Variants in ZBTB11 observed in about 807,000 individuals in gnomAD.
The protein encoded by ZBTB11 is zinc finger and BTB domain-containing protein 11.
A neutral mutation model predicts 113.1 loss-of-function variants in ZBTB11; 68 were observed. The ratio of observed to expected loss-of-function variants is 0.60; its 90% CI spans 0.49 to 0.74. ZBTB11 has a LOEUF of 0.74. Among genes scored for constraint, ZBTB11 ranks in the 30% least tolerant of loss-of-function variants. The probability of loss-of-function intolerance (pLI) is 0.00; values close to 1 mark genes in which losing one functional copy is unlikely to be tolerated. For missense variants in ZBTB11, 1,104 were observed against 1,279.4 expected, an observed-to-expected ratio of 0.86 and a Z score of 2.09; for synonymous variants, 518 against 452.6, an observed-to-expected ratio of 1.14 and a Z score of -1.83.
At position 101,649,436 on chromosome 3, in the gene ZBTB11, A is replaced by C. The variant is rs530497111; in HGVS notation, c.*1730T>G. The C allele has an allele frequency of 1.3e-5, 2 of 152,338 alleles. No individual in the cohort carries two copies. The highest frequency in any genetic ancestry group is 4.8e-5 in the African/African-American group (2 of 41,568). 9.4% of individuals were successfully genotyped at this position (152,338 alleles called of 1,614,324 possible). ...GAAAATAGTAACAAGCTCAACTCCA[A>C]AGTTCATGCTTTTCAACAAGATTCA... On this transcript the variant is annotated 3_prime_UTR_variant, in exon 11 of 11. Coordinates refer to ENST00000312938, the MANE Select transcript of ZBTB11 (RefSeq NM_014415.4).
intron 5 of ZBTB11, 26 bp downstream of exon 5, chr3:101,664,512 C>T (rs765300986): frequency 6.3e-7 from 1 of 1,579,532 alleles, no homozygotes; most frequent in South Asian, 1.2e-5. Flanking sequence ...TTAGAGTTAC[C>T]TTCAATTAGC....
At chr3:101,666,538 T>C (rs1360373154) in intron 3 of ZBTB11, among the ~76,000 whole-genome samples, 2 of 152,190 alleles carry the variant, frequency 1.3e-5, no homozygotes, top group African/African-American at 4.8e-5. Flanking sequence ...ACATGAGGTA[T>C]TACATTCTTC....
At chr3:101,660,399 C>T in intron 5 of ZBTB11, among the ~76,000 whole-genome samples, 1 of 152,160 alleles carries the variant, frequency 6.6e-6, no homozygotes, top group East Asian at 1.9e-4. Context: ...GATTTTATCT[C>T]ATAGTTGAAG....
At chr3:101,667,824 A>C (rs894442324) in intron 3 of ZBTB11, among the ~76,000 whole-genome samples, 8 of 152,158 alleles carry the variant, frequency 5.3e-5, no homozygotes, top group African/African-American at 1.9e-4. Flanking sequence ...AAAAAACTAA[A>C]AATATAACTA....
In ZBTB11 at chr3:101,676,586, GC is replaced by G; in HGVS notation, c.310+18del. On this transcript the variant is annotated intron_variant, in intron 1 of 10. Transcript: ENST00000312938. ...CAACGAGTCGCCAGCCCGCCCCCTC[GC>G]CGCGGGCTAGGTCTCACCTCGCCAC... 6.8e-7 allele frequency: 1 copy of G among 1,465,498 alleles called. No individual in the cohort carries two copies. Among genetic ancestry groups the G allele is most frequent in the South Asian group, 1.4e-5 (1 of 70,122 alleles). 90.8% of individuals were successfully genotyped at this position (1,465,498 alleles called of 1,614,324 possible).
At position 101,664,991 on chromosome 3, in the gene ZBTB11, T is replaced by A. The variant is rs1215346710; in HGVS notation, c.1596A>T (p.Lys532Asn). ...GTTGAACTGCTGACTTGGGAACGGC[T>A]TTCCGTTTCTGCAGCTTTTTCTCCA... is the stretch of plus-strand genomic sequence containing the variant. ...KGMEKKLQKRKAVPKSAVQQV... is the reference protein window; with the variant it reads ...KGMEKKLQKRNAVPKSAVQQV... Residue 532 changes from lysine to asparagine, a missense_variant, in exon 4 of 11, where the codon AAA (lysine) becomes AAT (asparagine). This residue lies in a region of ZBTB11 where 535 missense variants were observed against 518.6 expected (regional missense o/e 1.03). Coordinates refer to ENST00000312938, the MANE Select transcript of ZBTB11 (RefSeq NM_014415.4). The A allele has an allele frequency of 1.2e-6, 2 of 1,612,330 alleles. No individual in the cohort carries two copies. The highest frequency in any genetic ancestry group is 2.2e-5 in the East Asian group (1 of 44,844).
chr3:101,650,984 A>G lies in ZBTB11; in HGVS notation c.*182T>C, dbSNP rs1451021578. On this transcript the variant is annotated 3_prime_UTR_variant, in exon 11 of 11. Coordinates refer to ENST00000312938, the MANE Select transcript of ZBTB11 (RefSeq NM_014415.4). ...ATAGATCTGTTTTCAATTTCTCTAC[A>G]CTAAACGGACTTTTCTATAGAACCC... 8.7e-6 allele frequency: 5 copies of G among 573,144 alleles called. No homozygotes were observed. Among genetic ancestry groups the G allele is most frequent in the Non-Finnish European group, 1.1e-5 (4 of 349,260 alleles). The allele number at this position is 573,144 out of a possible 1,614,324, so 35.5% of individuals were successfully genotyped here.
In ZBTB11 at chr3:101,664,996, G is replaced by A. The variant is rs1206941861; in HGVS notation, c.1591C>T (p.Arg531Trp). Residue 531 changes from arginine (R) to tryptophan (W), a missense_variant, in exon 4 of 11, where the codon CGG (arginine) becomes TGG (tryptophan). By Grantham distance (101) the Arg-to-Trp change is moderately radical (BLOSUM62 -3). This residue lies in a region of ZBTB11 where 535 missense variants were observed against 518.6 expected (regional missense o/e 1.03). Coordinates refer to ENST00000312938, the MANE Select transcript of ZBTB11 (RefSeq NM_014415.4). ...ACTGCTGACTTGGGAACGGCTTTCC[G>A]TTTCTGCAGCTTTTTCTCCATTCCC... Reference protein sequence around the residue: ...HKGMEKKLQKRKAVPKSAVQQ... With the variant: ...HKGMEKKLQKWKAVPKSAVQQ... 7 of 1,612,200 alleles carry A rather than the reference G, an allele frequency of 4.3e-6. No individual in the cohort carries two copies. The highest frequency in any genetic ancestry group is 3.3e-5 in the Admixed American group (2 of 59,818).
intron 3 of ZBTB11, 71 bp downstream of exon 3, chr3:101,671,059 G>C (rs1441172498): frequency 2.3e-6 from 3 of 1,291,344 alleles, no homozygotes; most frequent in African/African-American, 3.0e-5. Flanking sequence ...TCCGTGTGTG[G>C]AAGACATACA....
Position 101,649,213 on chromosome 3 carries a change from T to C in ZBTB11, c.*1953A>G, listed in dbSNP as rs941979277. Reference sequence around the variant, plus strand: ...GAATGCCTGTTCCCATTTAGGGCCATGGGTTTCCAGGCTTTTGCTGGGGAA... The same window carrying C: ...GAATGCCTGTTCCCATTTAGGGCCACGGGTTTCCAGGCTTTTGCTGGGGAA... On this transcript the variant is annotated 3_prime_UTR_variant, in exon 11 of 11. Transcript: ENST00000312938. 4 of 152,236 alleles carry C rather than the reference T, an allele frequency of 2.6e-5. No homozygotes were observed. The highest frequency in any genetic ancestry group is 9.6e-5 in the African/African-American group (4 of 41,454). 9.4% of individuals were successfully genotyped at this position (152,236 alleles called of 1,614,324 possible).
Position 101,650,997 on chromosome 3 carries a change from T to C in ZBTB11, c.*169A>G. On this transcript the variant is annotated 3_prime_UTR_variant, in exon 11 of 11. Coordinates refer to ENST00000312938, the MANE Select transcript of ZBTB11 (RefSeq NM_014415.4). Reference sequence around the variant, plus strand: ...CAATTTCTCTACACTAAACGGACTTTTCTATAGAACCCATTGGCCAGACAA... The same window carrying C: ...CAATTTCTCTACACTAAACGGACTTCTCTATAGAACCCATTGGCCAGACAA... 6.0e-6 allele frequency: 4 copies of C among 672,200 alleles called. No individual in the cohort carries two copies. The highest frequency in any genetic ancestry group is 2.8e-5 in the South Asian group (1 of 35,608). The allele number at this position is 672,200 out of a possible 1,614,324, so 41.6% of individuals were successfully genotyped here. A position where few individuals can be genotyped will look rare whatever the true frequency, so the allele number is the denominator to read the frequency against.
Position 101,654,739 on chromosome 3 carries a change from T to A in ZBTB11, c.2274A>T (p.Gln758His). The change falls in exon 8 of 11, where the codon CAA becomes CAT. Residue 758 changes from glutamine to histidine, a missense_variant. Around this residue, in one of 5 missense-constraint regions of ZBTB11, gnomAD observed 535 missense variants for 518.6 expected, o/e 1.03. Transcript: ENST00000312938. ...GATAGCCTCGAACCTCAGGCTTTGGTTGGTGTTTCTTGAAGTGCTTGCTGA... is the reference window on the plus strand; with the variant it reads ...GATAGCCTCGAACCTCAGGCTTTGGATGGTGTTTCTTGAAGTGCTTGCTGA... ...SGLSKHFKKH[Q>H]PKPEVRGYHC... The A allele has an allele frequency of 1.2e-6, 2 of 1,614,196 alleles. No homozygotes were observed. The highest frequency in any genetic ancestry group is 1.1e-5 in the South Asian group (1 of 91,084).
chr3:101,664,927 G>A (rs759364388), intron 4 of ZBTB11, 37 bp downstream of exon 4: 2 of 1,564,758 alleles, frequency 1.3e-6, no homozygotes, highest in South Asian at 2.4e-5. Context: ...TCAACCTAAA[G>A]CTAAAACTAC....
In ZBTB11 at chr3:101,656,241, C is replaced by T. The variant is rs1936796176; in HGVS notation, c.2054G>A (p.Gly685Glu). Residue 685 changes from glycine to glutamate, a missense_variant, in exon 7 of 11, where the codon GGA (glycine) becomes GAA (glutamate). By Grantham distance (98) the Gly-to-Glu change is moderately conservative. This residue lies in a region of ZBTB11 where 535 missense variants were observed against 518.6 expected (regional missense o/e 1.03). Coordinates refer to ENST00000312938, the MANE Select transcript of ZBTB11 (RefSeq NM_014415.4). ...ACCATGCTTATAGATAAAAGTCTTT[C>T]CACAGACCTAAGATAGAACAGGGGT... Reference protein sequence around the residue: ...GVKPHACQVCGKTFIYKHGLK... With the variant: ...GVKPHACQVCEKTFIYKHGLK... The T allele has an allele frequency of 6.4e-7, 1 of 1,572,448 alleles. No individual in the cohort carries two copies. Among genetic ancestry groups the T allele is most frequent in the East Asian group, 2.4e-5 (1 of 42,196 alleles).
At position 101,652,768 on chromosome 3, in the gene ZBTB11, A is replaced by C. The variant is rs1936726952; in HGVS notation, c.2468+12T>G. 9 of 1,609,708 alleles carry C rather than the reference A, an allele frequency of 5.6e-6. No homozygotes were observed. Among genetic ancestry groups the C allele is most frequent in the Non-Finnish European group, 5.9e-6 (7 of 1,178,030 alleles). On this transcript the variant is annotated intron_variant, in intron 9 of 10. Coordinates refer to ENST00000312938, the MANE Select transcript of ZBTB11 (RefSeq NM_014415.4). ...TATCAATTAAGTTCAGCTCCTTCTC[A>C]AATTTACTCACCTATAAGGCTCAGT...
Position 101,676,982 on chromosome 3 carries a change from C to T in ZBTB11, c.-68G>A. The T allele has an allele frequency of 6.8e-7, 1 of 1,474,626 alleles. No homozygotes were observed. 91.3% of individuals were successfully genotyped at this position (1,474,626 alleles called of 1,614,324 possible). A position where few individuals can be genotyped will look rare whatever the true frequency, so the allele number is the denominator to read the frequency against. On this transcript the variant is annotated 5_prime_UTR_variant, in exon 1 of 11. Coordinates refer to ENST00000312938, the MANE Select transcript of ZBTB11 (RefSeq NM_014415.4). ...AGGAAAACGGCCCGCTACCTACGGG[C>T]GGCTGCAGGAGGAGCGGCGGCACCG...
intron 6 of ZBTB11, among the ~76,000 whole-genome samples, chr3:101,657,422 C>T (rs551623359): frequency 6.6e-6 from 1 of 151,322 alleles, no homozygotes; most frequent in African/African-American, 2.4e-5. Flanking sequence ...AGGAGAATTG[C>T]TTGAACCTGG....
rs1936863098 is a variant in ZBTB11, at chr3:101,660,092, C to T, written c.1801-64G>A. 3 of 1,513,798 alleles carry T rather than the reference C, an allele frequency of 2.0e-6. No individual in the cohort carries two copies. In the South Asian group the frequency reaches 3.6e-5, roughly 18 times the overall value. 93.8% of individuals were successfully genotyped at this position (1,513,798 alleles called of 1,614,324 possible). ...TTACAAAATGTTAACTGAAACTCAACTCATATTTGGACTTTGTTTTTGTTA... is the reference window on the plus strand; with the variant it reads ...TTACAAAATGTTAACTGAAACTCAATTCATATTTGGACTTTGTTTTTGTTA... On this transcript the variant is annotated intron_variant, in intron 5 of 10. Transcript: ENST00000312938.
At position 101,652,604 on chromosome 3, in the gene ZBTB11, G is replaced by A; in HGVS notation, c.2536C>T (p.His846Tyr). 6.2e-7 allele frequency: 1 copy of A among 1,614,056 alleles called. No homozygotes were observed. Among genetic ancestry groups the A allele is most frequent in the Non-Finnish European group, 8.5e-7 (1 of 1,180,008 alleles). Residue 846 changes from histidine (H) to tyrosine (Y), a missense_variant, in exon 10 of 11, where the codon CAT (histidine) becomes TAT (tyrosine). His to Tyr is a moderately conservative substitution (Grantham distance 83, BLOSUM62 2). Coordinates refer to ENST00000312938, the MANE Select transcript of ZBTB11 (RefSeq NM_014415.4). ...LFRRHVKKAT[H>Y]GKKGRAKQNL... ...TGCTTTGCTCTTCCTTTCTTCCCAT[G>A]GGTAGCTTTCTTTACATGCCTTCTG...
Sources: gnomAD v4.1 joint callset for allele counts (sites outside exome capture counted in the v4.1 genomes callset) on GRCh38, gnomAD v4.1.1 for gene constraint, gnomAD v4.1.1 regional missense constraint, MANE v1.5 for transcripts, NCBI Gene and HGNC (gene_info 2026-07-23, HGNC 2026-07-21) for gene names.